ABCG2: variants seen among roughly 807,000 people sequenced by gnomAD.
ABCG2 encodes ATP binding cassette subfamily G member 2 (JR blood group).
ABCG2 carries 80 observed loss-of-function variants against 73.5 expected under a neutral mutation model. The observed-to-expected ratio is 1.09, with a 90% confidence interval of 0.91 to 1.31. ABCG2 has a LOEUF of 1.31. Among genes scored for constraint, ABCG2 ranks in the 50% most tolerant of loss-of-function variants. The probability of loss-of-function intolerance (pLI) is 0.00; values close to 1 mark genes in which losing one functional copy is unlikely to be tolerated. For missense variants in ABCG2, 796 were observed against 786.2 expected, an observed-to-expected ratio of 1.01 and a Z score of -0.15; for synonymous variants, 269 against 282.4, an observed-to-expected ratio of 0.95 and a Z score of 0.48.
chr4:88,099,293 C>G, intron 12 of ABCG2, 31 bp downstream of exon 12: 1 of 1,547,760 alleles, frequency 6.5e-7, no homozygotes, highest in Non-Finnish European at 8.7e-7. Flanking sequence ...AGACTAAAGA[C>G]ATGTCCTTTT....
intron 1 of ABCG2, among the ~76,000 whole-genome samples, chr4:88,217,152 C>T (rs2127860): frequency 1 from 151,681 of 152,286 alleles, 75,542 homozygotes; most frequent in East Asian, 1. Context: ...TAATATCGTC[C>T]ATGATCATGG....
At chr4:88,111,955 T>G (rs1015536708) in intron 9 of ABCG2, among the ~76,000 whole-genome samples, 1 of 151,862 alleles carries the variant, frequency 6.6e-6, no homozygotes, top group African/African-American at 2.4e-5. Flanking sequence ...GGTGTTGTGG[T>G]GCACGGCTGT....
At chr4:88,230,308 T>TATATATATATACATATATATATATA (rs746680651) in intron 1 of ABCG2, among the ~76,000 whole-genome samples, 1 of 96,236 alleles carries the variant, frequency 1.0e-5, no homozygotes, top group Non-Finnish European at 2.1e-5. Flanking sequence ...TATATATATA[T>TATATATATATACATATATATATATA]TTTTTTTTTT....
At chr4:88,187,892 T>G (rs762361295) in intron 1 of ABCG2, among the ~76,000 whole-genome samples, 1 of 152,222 alleles carries the variant, frequency 6.6e-6, no homozygotes, top group Non-Finnish European at 1.5e-5. Flanking sequence ...AAATATCTTT[T>G]GTATCTTATA....
At chr4:88,147,078 AAAG>A (rs1726098900) in intron 1 of ABCG2, among the ~76,000 whole-genome samples, 1 of 145,248 alleles carries the variant, frequency 6.9e-6, no homozygotes, top group South Asian at 2.2e-4. Context: ...AAGGAAAAGA[AAAG>A]AAAAGAAAAA....
chr4:88,173,511 C>T (rs1392373703), intron 1 of ABCG2, among the ~76,000 whole-genome samples: 1 of 152,084 alleles, frequency 6.6e-6, no homozygotes, highest in Non-Finnish European at 1.5e-5. Context: ...TAGGAAGCTC[C>T]GAATGCCTAA....
intron 5 of ABCG2, among the ~76,000 whole-genome samples, chr4:88,125,607 CAAAAAAAAAAA>C (rs70957302): frequency 3.1e-4 from 11 of 34,978 alleles, no homozygotes; most frequent in East Asian, 1.1e-3. Flanking sequence ...GACTCTGTCT[CAAAAAAAAAAA>C]AAAAAAAAAA....
At chr4:88,172,432 A>C (rs1371181488) in intron 1 of ABCG2, among the ~76,000 whole-genome samples, 1 of 150,184 alleles carries the variant, frequency 6.7e-6, no homozygotes, top group Non-Finnish European at 1.5e-5. Flanking sequence ...ACAAAAATGA[A>C]CCAGGCACAG....
At chr4:88,231,278 C>T (rs1334731718) in exon 1 of ABCG2, 2 of 152,116 alleles carry the variant, frequency 1.3e-5, no homozygotes, top group East Asian at 1.9e-4. Context: ...GGAAATGTCC[C>T]GAGTGAAATT....
chr4:88,202,376 A>ATATATATATATATATATATATG (rs1176057791), intron 1 of ABCG2, among the ~76,000 whole-genome samples: 40 of 128,550 alleles, frequency 3.1e-4, no homozygotes, highest in Non-Finnish European at 4.6e-4. Flanking sequence ...ATATATATAT[A>ATATATATATATATATATATATG]TGTATATTTT....
intron 10 of ABCG2, 134 bp downstream of exon 10, chr4:88,107,050 A>G (rs1722814884): frequency 1.5e-6 from 1 of 665,318 alleles, no homozygotes; most frequent in South Asian, 2.1e-5. Context: ...TCAAAAATAA[A>G]CTGACTCATC....
intron 5 of ABCG2, among the ~76,000 whole-genome samples, chr4:88,126,956 G>T (rs1172514956): frequency 6.6e-6 from 1 of 152,116 alleles, no homozygotes; most frequent in Non-Finnish European, 1.5e-5. Context: ...GAAATAAAGT[G>T]TATTCAAATA....
At chr4:88,112,492 C>A (rs1723207068) in intron 9 of ABCG2, among the ~76,000 whole-genome samples, 1 of 152,142 alleles carries the variant, frequency 6.6e-6, no homozygotes, top group African/African-American at 2.4e-5. Context: ...CCCATAGTTT[C>A]TTCTACCATC....
chr4:88,213,608 G>GTA (rs993771439), intron 1 of ABCG2, among the ~76,000 whole-genome samples: 2 of 151,664 alleles, frequency 1.3e-5, no homozygotes, highest in Non-Finnish European at 2.9e-5. Flanking sequence ...GTATATATAT[G>GTA]TATATATATG....
intron 1 of ABCG2, among the ~76,000 whole-genome samples, chr4:88,187,513 T>A (rs1728514121): frequency 6.6e-6 from 1 of 151,982 alleles, no homozygotes. Context: ...CTCGGGAGGC[T>A]GAGGCAGGAG....
intron 9 of ABCG2, among the ~76,000 whole-genome samples, chr4:88,112,814 A>G (rs1441515906): frequency 6.6e-6 from 1 of 151,926 alleles, no homozygotes; most frequent in Non-Finnish European, 1.5e-5. Context: ...AGAAACCACT[A>G]AAAAAAAGAA....
intron 1 of ABCG2, among the ~76,000 whole-genome samples, chr4:88,191,787 T>C (rs1435403249): frequency 6.6e-6 from 1 of 152,218 alleles, no homozygotes; most frequent in Non-Finnish European, 1.5e-5. Context: ...TCAAAATTAA[T>C]GAAGTACTAA....
intron 1 of ABCG2, among the ~76,000 whole-genome samples, chr4:88,151,656 G>A (rs111620587): frequency 0.24 from 36,020 of 151,334 alleles, 5,846 homozygotes; most frequent in African/African-American, 0.46. Flanking sequence ...GGAGAATGGC[G>A]TGAACCCGGG....
chr4:88,123,414 G>GA, intron 5 of ABCG2, among the ~76,000 whole-genome samples: 1 of 151,878 alleles, frequency 6.6e-6, no homozygotes, highest in Non-Finnish European at 1.5e-5. Flanking sequence ...TAAGAACACT[G>GA]AAAAAAGGAT....
Sources: gnomAD v4.1 joint callset for allele counts (sites outside exome capture counted in the v4.1 genomes callset) on GRCh38, gnomAD v4.1.1 for gene constraint, MANE v1.5 for transcripts, NCBI Gene and HGNC (gene_info 2026-07-23, HGNC 2026-07-21) for gene names.